The following NRG1 variants were observed in gnomAD, a reference collection of about 807,000 sequenced individuals.
NRG1 encodes neuregulin 1.
A neutral mutation model predicts 63.8 loss-of-function variants in NRG1; 18 were observed. The ratio of observed to expected loss-of-function variants is 0.28; its 90% CI spans 0.19 to 0.42. The LOEUF (loss-of-function observed/expected upper bound fraction) is 0.42, where lower values mean the gene tolerates loss of function less well. Ranked by LOEUF, NRG1 falls within the 10% of genes least tolerant of loss-of-function variation. The pLI is 1.00. For synonymous variants in NRG1, 302 were observed against 301.3 expected, an observed-to-expected ratio of 1.00 and a Z score of -0.02; for missense variants, 762 against 814.7, an observed-to-expected ratio of 0.94 and a Z score of 0.79.
intron 1 of NRG1, among the ~76,000 whole-genome samples, chr8:32,502,787 G>A (rs1033917045): frequency 2.0e-5 from 3 of 151,914 alleles, no homozygotes; most frequent in Non-Finnish European, 2.9e-5. Context: ...TTAACCCTTA[G>A]TAACATTAAC....
chr8:32,363,285 T>G (rs549209936), intron 1 of NRG1, among the ~76,000 whole-genome samples: 2 of 152,208 alleles, frequency 1.3e-5, no homozygotes, highest in Non-Finnish European at 2.9e-5. Context: ...AATAGATGCC[T>G]CATCCTCCTC....
intron 1 of NRG1, among the ~76,000 whole-genome samples, chr8:32,513,612 AG>A (rs992949852): frequency 2.6e-5 from 4 of 152,258 alleles, no homozygotes; most frequent in African/African-American, 9.6e-5. Context: ...GTGAATTTTG[AG>A]GTTTGGTCAA....
chr8:32,540,805 T>C (rs1832498577), intron 1 of NRG1, among the ~76,000 whole-genome samples: 1 of 152,184 alleles, frequency 6.6e-6, no homozygotes, highest in South Asian at 2.1e-4. Context: ...GTTTCCATCT[T>C]GCACCTATGG....
At chr8:31,795,285 C>T (rs1349674502) in intron 1 of NRG1, among the ~76,000 whole-genome samples, 1 of 152,144 alleles carries the variant, frequency 6.6e-6, no homozygotes, top group East Asian at 1.9e-4. Flanking sequence ...ACAGACAGTG[C>T]TCCATTTTGA....
At chr8:32,187,365 T>G (rs543452456) in intron 1 of NRG1, among the ~76,000 whole-genome samples, 1 of 152,164 alleles carries the variant, frequency 6.6e-6, no homozygotes, top group Non-Finnish European at 1.5e-5. Context: ...ACCTGAGGAA[T>G]AGGAGAGCCC....
intron 1 of NRG1, among the ~76,000 whole-genome samples, chr8:31,742,866 T>C (rs1815440293): frequency 6.6e-6 from 1 of 152,008 alleles, no homozygotes; most frequent in Non-Finnish European, 1.5e-5. Flanking sequence ...TTTTCCTCCA[T>C]ATGCTGTTGA....
At chr8:32,616,935 T>TA in intron 5 of NRG1, 50 bp downstream of exon 5, 2 of 1,340,110 alleles carry the variant, frequency 1.5e-6, no homozygotes, top group Non-Finnish European at 2.1e-6. Context: ...CAAGGCACTA[T>TA]CTGCTTTGGA....
At chr8:31,945,778 C>A (rs1802449574) in intron 1 of NRG1, among the ~76,000 whole-genome samples, 2 of 152,164 alleles carry the variant, frequency 1.3e-5, no homozygotes, top group South Asian at 4.1e-4. Context: ...TGGCCCTTTC[C>A]CAACCTGACT....
chr8:31,712,456 G>A (rs1290219606), intron 1 of NRG1, among the ~76,000 whole-genome samples: 1 of 151,858 alleles, frequency 6.6e-6, no homozygotes, highest in African/African-American at 2.4e-5. Flanking sequence ...TTTTAGTAGA[G>A]AAGGGGTTTC....
intron 1 of NRG1, among the ~76,000 whole-genome samples, chr8:32,349,986 C>A (rs1269826969): frequency 1.3e-5 from 2 of 152,178 alleles, no homozygotes; most frequent in Admixed American, 6.5e-5. Context: ...ATCAACAAAT[C>A]TTTTTCCTCT....
At chr8:32,005,511 C>A (rs1813630486) in intron 1 of NRG1, among the ~76,000 whole-genome samples, 1 of 151,856 alleles carries the variant, frequency 6.6e-6, no homozygotes, top group Admixed American at 6.6e-5. Flanking sequence ...ATAATAATTG[C>A]TGAAAAATAG....
At chr8:32,303,183 C>A (rs1385893874) in intron 1 of NRG1, among the ~76,000 whole-genome samples, 28 of 59,706 alleles carry the variant, frequency 4.7e-4, no homozygotes, top group Admixed American at 3.5e-3. Flanking sequence ...AACTCAGTCT[C>A]CAAAAAAAAA....
intron 1 of NRG1, among the ~76,000 whole-genome samples, chr8:32,399,345 C>T (rs1308081444): frequency 6.6e-6 from 1 of 152,194 alleles, no homozygotes; most frequent in Non-Finnish European, 1.5e-5. Context: ...AAATTTCCCT[C>T]GACTCAACTG....
chr8:32,423,293 C>A (rs889212383), intron 1 of NRG1, among the ~76,000 whole-genome samples: 10 of 152,190 alleles, frequency 6.6e-5, no homozygotes, highest in Non-Finnish European at 2.9e-5. Context: ...TATTACACAG[C>A]CACACACAAG....
chr8:32,304,769 C>T (rs990649724), intron 1 of NRG1, among the ~76,000 whole-genome samples: 1 of 151,934 alleles, frequency 6.6e-6, no homozygotes, highest in Admixed American at 6.6e-5. Context: ...TAATCCCAGG[C>T]GTGATTAATT....
intron 1 of NRG1, among the ~76,000 whole-genome samples, chr8:32,492,858 G>A (rs535766197): frequency 6.6e-6 from 1 of 152,230 alleles, no homozygotes; most frequent in Admixed American, 6.5e-5. Flanking sequence ...GTGTGTGTCT[G>A]GTGGGGAGGG....
intron 1 of NRG1, among the ~76,000 whole-genome samples, chr8:31,947,439 A>G (rs1489416704): frequency 6.6e-6 from 1 of 151,102 alleles, no homozygotes; most frequent in Non-Finnish European, 1.5e-5. Context: ...CATTATTATT[A>G]TTATTATTTA....
chr8:32,343,911 C>T (rs1299036988), intron 1 of NRG1, among the ~76,000 whole-genome samples: 1 of 152,208 alleles, frequency 6.6e-6, no homozygotes, highest in Non-Finnish European at 1.5e-5. Context: ...AGTCCTAGTC[C>T]TACCGAGTCC....
At chr8:32,563,996 C>T (rs1836956332) in intron 1 of NRG1, among the ~76,000 whole-genome samples, 1 of 152,070 alleles carries the variant, frequency 6.6e-6, no homozygotes, top group Non-Finnish European at 1.5e-5. Context: ...TGAGTATTGT[C>T]TTAGACAAGC....
Sources: gnomAD v4.1 joint callset for allele counts (sites outside exome capture counted in the v4.1 genomes callset) on GRCh38, gnomAD v4.1.1 for gene constraint, MANE v1.5 for transcripts, NCBI Gene and HGNC (gene_info 2026-07-23, HGNC 2026-07-21) for gene names.